Variants in ZC3H12C observed in about 807,000 individuals in gnomAD.
The protein encoded by ZC3H12C is zinc finger CCCH-type containing 12C, also known as probable ribonuclease ZC3H12C.
ZC3H12C carries 20 observed loss-of-function variants against 76.3 expected under a neutral mutation model. The observed-to-expected ratio is 0.26, with a 90% CI of 0.18 to 0.38. The LOEUF (loss-of-function observed/expected upper bound fraction) is 0.38. Among genes scored for constraint, ZC3H12C ranks in the 10% least tolerant of loss-of-function variants. The pLI is 1.00. For synonymous variants in ZC3H12C, 352 were observed against 399.6 expected, an observed-to-expected ratio of 0.88 and a Z score of 1.42; for missense variants, 874 against 1,086.5, an observed-to-expected ratio of 0.80 and a Z score of 2.75.
chr11:110,144,047 G>A (rs972959747), intron 2 of ZC3H12C, among the ~76,000 whole-genome samples: 1 of 47,748 alleles, frequency 2.1e-5, no homozygotes, highest in Non-Finnish European at 4.0e-5. Flanking sequence ...ATATATAGAA[G>A]GTTATAGAAA....
At position 110,152,998 on chromosome 11, in the gene ZC3H12C, A is replaced by T; in HGVS notation, c.853A>T (p.Ile285Phe). The T allele has an allele frequency of 6.2e-7, 1 of 1,612,188 alleles. No homozygotes were observed. Among genetic ancestry groups the T allele is most frequent in the Non-Finnish European group, 8.5e-7 (1 of 1,179,108 alleles). ...DWFLERGHKDITVFVPAWRKE... is the reference protein window; with the variant it reads ...DWFLERGHKDFTVFVPAWRKE... ...GTTTTTGGAAAGAGGCCACAAAGAC[A>T]TTACAGTTTTTGTTCCTGCTTGGAG... Residue 285 changes from isoleucine (I) to phenylalanine (F), a missense_variant, in exon 3 of 6, where the codon ATT becomes TTT. Around this residue, in one of 3 missense-constraint regions of ZC3H12C, gnomAD observed 269 missense variants for 424.9 expected, o/e 0.63. Coordinates refer to ENST00000278590, the MANE Select transcript of ZC3H12C (RefSeq NM_033390.2).
intron 1 of ZC3H12C, among the ~76,000 whole-genome samples, chr11:110,094,199 C>T (rs1318874065): frequency 1.3e-5 from 2 of 152,142 alleles, no homozygotes; most frequent in Non-Finnish European, 2.9e-5. Context: ...TTTGGTTATC[C>T]GTTAACAATC....
At chr11:110,118,041 T>TAC (rs1297698953) in intron 1 of ZC3H12C, among the ~76,000 whole-genome samples, 1 of 79,950 alleles carries the variant, frequency 1.3e-5, no homozygotes, top group Non-Finnish European at 2.9e-5. Flanking sequence ...TATATATATA[T>TAC]ACACATATAT....
chr11:110,104,773 T>C (rs1181662058), intron 1 of ZC3H12C, among the ~76,000 whole-genome samples: 1 of 152,240 alleles, frequency 6.6e-6, no homozygotes, highest in Non-Finnish European at 1.5e-5. Flanking sequence ...AGATAATGAG[T>C]ATAAAAGTGC....
At chr11:110,157,670 A>G (rs1306624369) in intron 3 of ZC3H12C, among the ~76,000 whole-genome samples, 2 of 152,044 alleles carry the variant, frequency 1.3e-5, no homozygotes, top group East Asian at 3.9e-4. Flanking sequence ...TCCTGAGCTC[A>G]AGCAATCTGC....
intron 1 of ZC3H12C, among the ~76,000 whole-genome samples, chr11:110,096,262 G>A (rs1459957050): frequency 1.3e-5 from 2 of 152,204 alleles, no homozygotes; most frequent in African/African-American, 2.4e-5. Flanking sequence ...TAAAATTTTT[G>A]TAGGATTAGT....
chr11:110,093,550 CG>C, intron 1 of ZC3H12C, 118 bp downstream of exon 1: 1 of 703,304 alleles, frequency 1.4e-6, no homozygotes, highest in South Asian at 6.6e-5. Context: ...GCGCCGGGGC[CG>C]CAGCGACCTC....
At chr11:110,133,598 T>C (rs1194218329) in intron 1 of ZC3H12C, among the ~76,000 whole-genome samples, 1 of 152,224 alleles carries the variant, frequency 6.6e-6, no homozygotes, top group Non-Finnish European at 1.5e-5. Context: ...AACTTTTTAC[T>C]TAAAATTGTG....
At chr11:110,128,153 T>C (rs1861788455) in intron 1 of ZC3H12C, among the ~76,000 whole-genome samples, 1 of 152,036 alleles carries the variant, frequency 6.6e-6, no homozygotes, top group Non-Finnish European at 1.5e-5. Flanking sequence ...TAAGTGTGCA[T>C]TGTGCTCAGT....
intron 1 of ZC3H12C, among the ~76,000 whole-genome samples, chr11:110,095,452 C>T (rs1565243842): frequency 6.6e-6 from 1 of 152,114 alleles, no homozygotes; most frequent in Admixed American, 6.5e-5. Flanking sequence ...GATTTGATAG[C>T]ATTTTTAAAG....
rs200771253 is a variant in ZC3H12C, at chr11:110,165,936, T to C, written c.*199T>C. The C allele has an allele frequency of 6.1e-6, 1 of 163,832 alleles. No homozygotes were observed. Among genetic ancestry groups the C allele is most frequent in the African/African-American group, 8.1e-5 (1 of 12,388 alleles). 10.1% of individuals were successfully genotyped at this position (163,832 alleles called of 1,614,324 possible). On this transcript the variant is annotated 3_prime_UTR_variant, in exon 6 of 6. Transcript: ENST00000278590. ...TCACGGGATTGCTTTACATTTAAAC[T>C]TTTTTTTTTTAACATTTCCTTTTTA...
chr11:110,164,513 T>C lies in ZC3H12C; in HGVS notation c.1428T>C (p.Ala476=). The stretch of plus-strand genomic sequence containing the variant: ...ACAGTGTTCCTTGTAGCACCAAGGC[T>C]GATAGCACTTCTGATGTCAAACGAG... ...KSNSVPCSTK[A]DSTSDVKRGA... Residue 476 remains alanine (A), a synonymous_variant, in exon 6 of 6, where the codon GCT becomes GCC. Coordinates refer to ENST00000278590, the MANE Select transcript of ZC3H12C (RefSeq NM_033390.2). This position sits in a 1 kb window ranked among gnomAD's most constrained non-coding sequence, Gnocchi z 5.7. The C allele has an allele frequency of 6.2e-7, 1 of 1,614,036 alleles. No homozygotes were observed. Among genetic ancestry groups the C allele is most frequent in the Non-Finnish European group, 8.5e-7 (1 of 1,179,896 alleles).
chr11:110,150,188 C>T (rs1326639389), intron 2 of ZC3H12C, among the ~76,000 whole-genome samples: 6 of 151,994 alleles, frequency 3.9e-5, no homozygotes, highest in Middle Eastern at 3.4e-3. Flanking sequence ...AGATTAGTTT[C>T]TCAAGTTCTG....
rs757710834 is a variant in ZC3H12C, at chr11:110,164,263, G to C, written c.1256-78G>C. 8.7e-5 allele frequency: 115 copies of C among 1,327,948 alleles called. No individual in the cohort carries two copies. The highest frequency in any genetic ancestry group is 2.4e-4 in the Middle Eastern group (1 of 4,130). 82.3% of individuals were successfully genotyped at this position (1,327,948 alleles called of 1,614,324 possible). ...ATTTCTATCGTTGTCTCTTCTACAA[G>C]TTAAAATCATAGGGCCAAACTGAGT... On this transcript the variant is annotated intron_variant, in intron 5 of 5. Transcript: ENST00000278590. This position sits in a 1 kb window ranked among gnomAD's most constrained non-coding sequence, Gnocchi z 5.7.
chr11:110,169,301 A>G lies in ZC3H12C; in HGVS notation c.*3564A>G, dbSNP rs1862633235. ...AAAACAAATATACTTTGCTTATGTT[A>G]TAGCTCTTAGTTTGTGACAGGTGGG... On this transcript the variant is annotated 3_prime_UTR_variant, in exon 6 of 6. Transcript: ENST00000278590. The G allele has an allele frequency of 6.6e-6, 1 of 151,282 alleles. No individual in the cohort carries two copies. The highest frequency in any genetic ancestry group is 2.4e-5 in the African/African-American group (1 of 41,112). 9.4% of individuals were successfully genotyped at this position (151,282 alleles called of 1,614,324 possible).
intron 1 of ZC3H12C, among the ~76,000 whole-genome samples, chr11:110,095,266 ATAGAAATTT>A: frequency 6.6e-6 from 1 of 152,224 alleles, no homozygotes; most frequent in Non-Finnish European, 1.5e-5. Flanking sequence ...CAAGTTGTTA[ATAGAAATTT>A]TATGTTTAAA....
At chr11:110,125,170 A>G (rs1861716945) in intron 1 of ZC3H12C, among the ~76,000 whole-genome samples, 1 of 152,174 alleles carries the variant, frequency 6.6e-6, no homozygotes, top group African/African-American at 2.4e-5. Flanking sequence ...GAAGCCAAGC[A>G]ATACATAAGT....
intron 1 of ZC3H12C, among the ~76,000 whole-genome samples, chr11:110,105,406 A>C (rs1013581947): frequency 3.3e-5 from 5 of 152,204 alleles, no homozygotes; most frequent in Non-Finnish European, 7.4e-5. Context: ...AAAGTGCCTT[A>C]AGTAACAAAA....
chr11:110,160,569 C>G (rs1169962280), intron 4 of ZC3H12C, among the ~76,000 whole-genome samples: 3 of 151,836 alleles, frequency 2.0e-5, no homozygotes, highest in Non-Finnish European at 4.4e-5. Flanking sequence ...TTATCCTAGG[C>G]CTGCACAGGG....
Sources: allele counts gnomAD v4.1 joint callset (sites outside exome capture counted in the v4.1 genomes callset), GRCh38; gene constraint gnomAD v4.1.1; regional missense constraint gnomAD v4.1.1; non-coding constraint Gnocchi (gnomAD v3.1); transcripts MANE v1.5; gene names NCBI Gene and HGNC (gene_info 2026-07-23, HGNC 2026-07-21).